ERBIN: variants seen among roughly 807,000 people sequenced by gnomAD.
The protein encoded by ERBIN is densin-180-like protein.
ERBIN carries 60 observed loss-of-function variants against 158.4 expected under a neutral mutation model. The observed-to-expected ratio is 0.38, with a 90% CI of 0.31 to 0.47. The LOEUF is 0.47. Ranked by LOEUF, ERBIN falls within the 20% of genes least tolerant of loss-of-function variation. The probability of loss-of-function intolerance (pLI) is 0.99; values close to 1 mark genes in which losing one functional copy is unlikely to be tolerated. For missense variants in ERBIN, 1,610 were observed against 1,648.0 expected (o/e 0.98, Z 0.40); for synonymous variants, 594 against 557.2 (o/e 1.07, Z -0.93).
chr5:66,070,162 A>G (rs1215625573), intron 21 of ERBIN, among the ~76,000 whole-genome samples: 1 of 152,026 alleles, frequency 6.6e-6, no homozygotes, highest in African/African-American at 2.4e-5. Flanking sequence ...CTCCTGCCTC[A>G]TCCTCCCAAG....
chr5:65,967,534 G>C (rs1580190676), intron 1 of ERBIN, among the ~76,000 whole-genome samples: 1 of 152,170 alleles, frequency 6.6e-6, no homozygotes, highest in African/African-American at 2.4e-5. Context: ...TCTTAGTCTA[G>C]TGGCAGTAGG....
intron 1 of ERBIN, among the ~76,000 whole-genome samples, chr5:65,954,565 A>G (rs1231762758): frequency 6.6e-6 from 1 of 152,150 alleles, no homozygotes; most frequent in Non-Finnish European, 1.5e-5. Context: ...GATTTGTTTC[A>G]TAGTGCTGTA....
intron 1 of ERBIN, among the ~76,000 whole-genome samples, chr5:65,938,462 C>G (rs553850793): frequency 4.4e-4 from 66 of 151,026 alleles, no homozygotes; most frequent in Non-Finnish European, 8.0e-4. Flanking sequence ...CCTTGACCTC[C>G]TGGGCTGAAG....
chr5:65,994,625 C>T (rs1752221069), intron 3 of ERBIN, 122 bp from the exon 4 acceptor site: 2 of 578,022 alleles, frequency 3.5e-6, no homozygotes, highest in Non-Finnish European at 6.1e-6. Flanking sequence ...AATGAGGCAT[C>T]TTTCCTGGTA....
At chr5:65,990,741 TTGAG>T (rs946995568) in intron 2 of ERBIN, among the ~76,000 whole-genome samples, 2 of 151,826 alleles carry the variant, frequency 1.3e-5, no homozygotes, top group Non-Finnish European at 2.9e-5. Flanking sequence ...TATAGAGTGA[TTGAG>T]TAAGTATAGT....
intron 17 of ERBIN, among the ~76,000 whole-genome samples, chr5:66,044,829 C>T (rs1285429271): frequency 6.6e-6 from 1 of 151,942 alleles, no homozygotes; most frequent in Admixed American, 6.6e-5. Flanking sequence ...GTTATCCCAG[C>T]ACTTTGGGAG....
At chr5:66,066,530 A>C (rs1030480660) in intron 21 of ERBIN, among the ~76,000 whole-genome samples, 6 of 148,746 alleles carry the variant, frequency 4.0e-5, no homozygotes, top group East Asian at 1.9e-4. Flanking sequence ...AATAAAAAAA[A>C]AAAAACAAAA....
intron 1 of ERBIN, among the ~76,000 whole-genome samples, chr5:65,961,610 T>A (rs1747929446): frequency 6.6e-6 from 1 of 152,190 alleles, no homozygotes. Flanking sequence ...GTGAAAATGC[T>A]GTTTTTGAGG....
intron 15 of ERBIN, among the ~76,000 whole-genome samples, chr5:66,039,038 G>GTGTGTGTGTT (rs1385325822): frequency 6.6e-6 from 1 of 151,900 alleles, no homozygotes; most frequent in African/African-American, 2.4e-5. Context: ...GTGTGTGTGT[G>GTGTGTGTGTT]TGTGTGTTTA....
chr5:66,017,973 T>C (rs1056489263), intron 7 of ERBIN, among the ~76,000 whole-genome samples: 1 of 152,112 alleles, frequency 6.6e-6, no homozygotes, highest in Non-Finnish European at 1.5e-5. Context: ...TTGGCGCCTT[T>C]TTCTAGGATG....
chr5:66,038,759 ATGTTAAG>A (rs1757646129), intron 15 of ERBIN, among the ~76,000 whole-genome samples: 2 of 152,210 alleles, frequency 1.3e-5, no homozygotes, highest in South Asian at 2.1e-4. Flanking sequence ...CTAGGAATAC[ATGTTAAG>A]TGTTATGTGA....
At chr5:65,951,828 G>T (rs181726422) in intron 1 of ERBIN, among the ~76,000 whole-genome samples, 29 of 152,224 alleles carry the variant, frequency 1.9e-4, no homozygotes, top group Admixed American at 1.8e-3. Flanking sequence ...TATAACAAAT[G>T]ATGTTTTGCT....
intron 1 of ERBIN, among the ~76,000 whole-genome samples, chr5:65,958,676 G>GGGGGAT (rs1747568059): frequency 6.6e-6 from 1 of 151,518 alleles, no homozygotes; most frequent in Non-Finnish European, 1.5e-5. Context: ...GGGAGGGGGA[G>GGGGGAT]GGAAATGTAG....
At chr5:65,980,275 G>A (rs1037873763) in intron 1 of ERBIN, among the ~76,000 whole-genome samples, 1 of 151,968 alleles carries the variant, frequency 6.6e-6, no homozygotes, top group Non-Finnish European at 1.5e-5. Context: ...AATTAGCTGG[G>A]TGTGGTGTTG....
Position 66,046,367 on chromosome 5 carries a change from T to C in ERBIN, c.1617T>C (p.Thr539=). The C allele has an allele frequency of 6.3e-7, 1 of 1,575,554 alleles. No homozygotes were observed. Among genetic ancestry groups the C allele is most frequent in the Non-Finnish European group, 8.7e-7 (1 of 1,154,788 alleles). ...KDVGVKTSES[T]TTVKSKVDER... ...CTTTTACTTAGACCTCAGAAAGTAC[T>C]ACTACAGTAAAAAGCAAAGTTGATG... The change falls in exon 18 of 26, where the codon ACT becomes ACC. Residue 539 remains threonine, a synonymous_variant. Transcript: ENST00000284037.
At position 66,076,964 on chromosome 5, in the gene ERBIN, T is replaced by C. The variant is rs186641617; in HGVS notation, c.4131+15T>C. 879 of 1,471,774 alleles carry C rather than the reference T, an allele frequency of 6.0e-4. 2 individuals are homozygous for C. In the East Asian group the frequency reaches 0.017, roughly 28 times the overall value. The allele number at this position is 1,471,774 out of a possible 1,614,324, so 91.2% of individuals were successfully genotyped here. On this transcript the variant is annotated intron_variant, in intron 25 of 25. Coordinates refer to ENST00000284037, the MANE Select transcript of ERBIN (RefSeq NM_001253697.2). Reference sequence around the variant, plus strand: ...AAATTATTCAGGTAATTAAAATAAATCTTTTTTTTTTTCATTTTATAACAC... The same window carrying C: ...AAATTATTCAGGTAATTAAAATAAACCTTTTTTTTTTTCATTTTATAACAC...
intron 1 of ERBIN, among the ~76,000 whole-genome samples, chr5:65,957,426 G>A (rs895945539): frequency 2.6e-5 from 4 of 151,976 alleles, no homozygotes; most frequent in African/African-American, 9.7e-5. Context: ...GACTCTTAAC[G>A]AGCATGCTGC....
intron 15 of ERBIN, among the ~76,000 whole-genome samples, chr5:66,041,922 A>G (rs1264281736): frequency 1.3e-5 from 2 of 152,030 alleles, no homozygotes; most frequent in Non-Finnish European, 2.9e-5. Context: ...TAAAAAAGCA[A>G]TTATAAGGGA....
In ERBIN at chr5:66,044,155, T is replaced by C. The variant is rs1758185934; in HGVS notation, c.1447T>C (p.Tyr483His). The change falls in exon 17 of 26, where the codon TAT becomes CAT. Residue 483 changes from tyrosine (Y) to histidine (H), a missense_variant. By Grantham distance (83) the Tyr-to-His change is moderately conservative. Coordinates refer to ENST00000284037, the MANE Select transcript of ERBIN (RefSeq NM_001253697.2). Reference protein sequence around the residue: ...APPREGNLKRYPTPYPDELKN... With the variant: ...APPREGNLKRHPTPYPDELKN... The stretch of plus-strand genomic sequence containing the variant: ...TCTCTAGGAGGGAAATTTAAAAAGA[T>C]ATCCAACACCATACCCAGATGAGCT... 1 of 1,555,250 alleles carries C rather than the reference T, an allele frequency of 6.4e-7. No individual in the cohort carries two copies. Among genetic ancestry groups the C allele is most frequent in the African/African-American group, 1.4e-5 (1 of 71,438 alleles).
Sources: gnomAD v4.1 joint callset for allele counts (sites outside exome capture counted in the v4.1 genomes callset) on GRCh38, gnomAD v4.1.1 for gene constraint, MANE v1.5 for transcripts, NCBI Gene and HGNC (gene_info 2026-07-23, HGNC 2026-07-21) for gene names.